The following PCSK6 variants were observed in gnomAD, a reference collection of about 807,000 sequenced individuals.
The protein encoded by PCSK6 is proprotein convertase subtilisin/kexin type 6.
A neutral mutation model predicts 123.3 loss-of-function variants in PCSK6; 85 were observed. The ratio of observed to expected loss-of-function variants is 0.69; its 90% CI spans 0.58 to 0.83. The LOEUF (loss-of-function observed/expected upper bound fraction) is 0.83. Ranked by LOEUF, PCSK6 falls within the 40% of genes least tolerant of loss-of-function variation. PCSK6 has a pLI of 0.00. For missense variants in PCSK6, 1,191 were observed against 1,282.3 expected, an observed-to-expected ratio of 0.93 and a Z score of 1.09; for synonymous variants, 508 against 516.0, an observed-to-expected ratio of 0.98 and a Z score of 0.21.
intron 1 of PCSK6, among the ~76,000 whole-genome samples, chr15:101,454,801 C>G (rs1338071314): frequency 6.6e-6 from 1 of 152,002 alleles, no homozygotes; most frequent in African/African-American, 2.4e-5. Flanking sequence ...AAAAATTAGC[C>G]GGGTATGGTG....
At chr15:101,317,976 G>A (rs1047736732) in intron 19 of PCSK6, among the ~76,000 whole-genome samples, 3 of 152,166 alleles carry the variant, frequency 2.0e-5, no homozygotes, top group African/African-American at 7.2e-5. Context: ...GGGGTTATAG[G>A]CATGAGCCAC....
chr15:101,333,041 C>T (rs2040403053), intron 13 of PCSK6, among the ~76,000 whole-genome samples: 1 of 152,212 alleles, frequency 6.6e-6, no homozygotes, highest in African/African-American at 2.4e-5. Context: ...TTGAAAATAT[C>T]ATCGAAATAA....
chr15:101,489,453 T>A lies in PCSK6; in HGVS notation c.218A>T (p.His73Leu). Residue 73 changes from histidine to leucine, a missense_variant, in exon 1 of 22, where the codon CAC (histidine) becomes CTC (leucine). His to Leu is a moderately conservative substitution (Grantham distance 99, BLOSUM62 -3). Transcript: ENST00000611716. ...GCCGCCCAGCACTTGCACCGCCCAG[T>A]GGTTGGTGTAGACGGGGCGCGGCGG... ...APPPRPVYTN[H>L]WAVQVLGGPA... The A allele has an allele frequency of 8.4e-7, 1 of 1,191,836 alleles. No individual in the cohort carries two copies. Among genetic ancestry groups the A allele is most frequent in the Middle Eastern group, 3.5e-4 (1 of 2,826 alleles). 73.8% of individuals were successfully genotyped at this position (1,191,836 alleles called of 1,614,324 possible).
chr15:101,317,598 C>T (rs990292249), intron 19 of PCSK6, among the ~76,000 whole-genome samples: 46 of 152,232 alleles, frequency 3.0e-4, no homozygotes, highest in African/African-American at 1.1e-3. Flanking sequence ...CCACCTGGAT[C>T]CATTCCCGCC....
intron 1 of PCSK6, among the ~76,000 whole-genome samples, chr15:101,455,427 G>A (rs973252514): frequency 6.6e-5 from 10 of 152,260 alleles, no homozygotes; most frequent in African/African-American, 2.4e-4. Flanking sequence ...GACACAGGAA[G>A]GAGGTGGCAA....
intron 19 of PCSK6, among the ~76,000 whole-genome samples, chr15:101,314,128 G>A (rs2039934224): frequency 6.6e-6 from 1 of 152,186 alleles, no homozygotes; most frequent in East Asian, 1.9e-4. Context: ...TACAGCCAGG[G>A]CGTTTTCAAC....
chr15:101,356,555 C>T (rs1034449084), intron 13 of PCSK6, among the ~76,000 whole-genome samples: 7 of 150,598 alleles, frequency 4.6e-5, no homozygotes, highest in East Asian at 1.9e-4. Context: ...TGGCAGATGC[C>T]TGTAATCCCA....
intron 17 of PCSK6, among the ~76,000 whole-genome samples, chr15:101,323,811 G>A (rs996265337): frequency 6.6e-6 from 1 of 152,130 alleles, no homozygotes. Flanking sequence ...TGTCCACAGG[G>A]GTAACGGCAG....
intron 1 of PCSK6, among the ~76,000 whole-genome samples, chr15:101,444,096 C>T (rs1012191063): frequency 6.6e-6 from 1 of 152,240 alleles, no homozygotes; most frequent in Non-Finnish European, 1.5e-5. Context: ...ACTGAAATAT[C>T]GAAGAATGAA....
At chr15:101,389,308 C>A (rs2042157332) in intron 9 of PCSK6, among the ~76,000 whole-genome samples, 156 bp downstream of exon 9, 1 of 152,222 alleles carries the variant, frequency 6.6e-6, no homozygotes, top group Non-Finnish European at 1.5e-5. Context: ...AGACGAAGCT[C>A]TGGGAGAGGG....
At chr15:101,389,828 C>CA (rs1362473007) in intron 8 of PCSK6, among the ~76,000 whole-genome samples, 2 of 152,146 alleles carry the variant, frequency 1.3e-5, no homozygotes, top group African/African-American at 4.8e-5. Flanking sequence ...AATAATAGAT[C>CA]AGCTGGTTCC....
At chr15:101,326,281 T>A in intron 16 of PCSK6, 96 bp downstream of exon 16, 2 of 913,844 alleles carry the variant, frequency 2.2e-6, no homozygotes. Flanking sequence ...GGGTGCTACG[T>A]TACTTCCTAA....
chr15:101,489,420 T>G lies in PCSK6; in HGVS notation c.251A>C (p.Glu84Ala). ...WAVQVLGGPA[E>A]ADRVAAAHGY... ...GTGCGCCGCCGCCACGCGGTCCGCC[T>G]CGGCCGGGCCGCCCAGCACTTGCAC... Residue 84 changes from glutamate (E) to alanine (A), a missense_variant, in exon 1 of 22, where the codon GAG (glutamate) becomes GCG (alanine). Coordinates refer to ENST00000611716, the MANE Select transcript of PCSK6 (RefSeq NM_002570.5). 1 of 1,280,380 alleles carries G rather than the reference T, an allele frequency of 7.8e-7. No individual in the cohort carries two copies. Among genetic ancestry groups the G allele is most frequent in the Non-Finnish European group, 1.0e-6 (1 of 1,000,528 alleles). The allele number at this position is 1,280,380 out of a possible 1,614,324, so 79.3% of individuals were successfully genotyped here. A position where few individuals can be genotyped will look rare whatever the true frequency, so the allele number is the denominator to read the frequency against.
intron 13 of PCSK6, chr15:101,334,412 T>A (rs1335098034): frequency 7.6e-6 from 1 of 131,524 alleles, no homozygotes; most frequent in African/African-American, 2.9e-5. Flanking sequence ...ACACAGGAAG[T>A]TGTTCTCACC....
intron 11 of PCSK6, among the ~76,000 whole-genome samples, chr15:101,375,414 CTT>C (rs1293690324): frequency 6.6e-6 from 1 of 152,168 alleles, no homozygotes; most frequent in African/African-American, 2.4e-5. Flanking sequence ...TTATAGCACA[CTT>C]TTTCCTGTAC....
intron 13 of PCSK6, among the ~76,000 whole-genome samples, chr15:101,363,169 C>T (rs915650936): frequency 5.9e-5 from 9 of 152,138 alleles, no homozygotes; most frequent in Admixed American, 6.5e-5. Context: ...GAGAAGAATG[C>T]GTGAGATGCA....
At chr15:101,484,845 G>A (rs1454299372) in intron 1 of PCSK6, among the ~76,000 whole-genome samples, 1 of 152,156 alleles carries the variant, frequency 6.6e-6, no homozygotes, top group East Asian at 1.9e-4. Context: ...TGCATGGTGT[G>A]ACTATTTTGA....
chr15:101,386,159 C>T (rs1386101249), intron 9 of PCSK6, among the ~76,000 whole-genome samples: 3 of 152,106 alleles, frequency 2.0e-5, no homozygotes, highest in Admixed American at 6.5e-5. Context: ...ACGCACGCCG[C>T]GCCACAGGTG....
intron 20 of PCSK6, among the ~76,000 whole-genome samples, chr15:101,310,810 A>C (rs771101105): frequency 2.0e-5 from 3 of 152,122 alleles, no homozygotes; most frequent in African/African-American, 7.2e-5. Context: ...GGCAGACCCC[A>C]CTGTGTGGTG....
Sources: allele counts gnomAD v4.1 joint callset (sites outside exome capture counted in the v4.1 genomes callset), GRCh38; gene constraint gnomAD v4.1.1; transcripts MANE v1.5; gene names NCBI Gene and HGNC (gene_info 2026-07-23, HGNC 2026-07-21).